Variants in NPAS3 observed in about 807,000 individuals in gnomAD.
NPAS3 encodes neuronal PAS domain-containing protein 3.
Under a neutral mutation model 73.1 loss-of-function variants are expected in NPAS3, and 14 were observed. That is an observed-to-expected ratio of 0.19 (90% confidence interval 0.13 to 0.30). The LOEUF (loss-of-function observed/expected upper bound fraction) is 0.30, where lower values mean the gene tolerates loss of function less well. Ranked by LOEUF, NPAS3 falls within the 10% of genes least tolerant of loss-of-function variation. The pLI, the probability that NPAS3 is intolerant of heterozygous loss-of-function variation, is 1.00. For synonymous variants in NPAS3, 620 were observed against 541.5 expected, an observed-to-expected ratio of 1.14 and a Z score of -2.01; for missense variants, 1,096 against 1,250.0, an observed-to-expected ratio of 0.88 and a Z score of 1.86.
chr14:33,144,986 G>A (rs2044185879), intron 2 of NPAS3, among the ~76,000 whole-genome samples: 1 of 152,070 alleles, frequency 6.6e-6, no homozygotes, highest in Non-Finnish European at 1.5e-5. Flanking sequence ...TTACAACTTG[G>A]TTTGTTACAA....
chr14:33,036,998 A>C (rs1450006048), intron 1 of NPAS3, among the ~76,000 whole-genome samples: 1 of 152,120 alleles, frequency 6.6e-6, no homozygotes, highest in African/African-American at 2.4e-5. Flanking sequence ...TCATCCTCTT[A>C]TTAGTTTTGT....
At chr14:33,119,368 C>A (rs1207997962) in intron 2 of NPAS3, among the ~76,000 whole-genome samples, 1 of 152,018 alleles carries the variant, frequency 6.6e-6, no homozygotes, top group Non-Finnish European at 1.5e-5. Context: ...TTCTCCCTTT[C>A]ACAGCTCTTT....
Position 33,699,348 on chromosome 14 carries a change from C to A in NPAS3, c.733+22963C>A, listed in dbSNP as rs1357115685. Among the ~76,000 whole-genome samples, 3 of 152,056 alleles carry A rather than the reference C, an allele frequency of 2.0e-5. No individual in the cohort carries two copies. In the East Asian group the frequency reaches 5.8e-4, roughly 29 times the overall value. On this transcript the variant is annotated intron_variant, in intron 6 of 11. Transcript: ENST00000356141. ...GTGGATCCTTTTGTGATGAAAACAACCCTGCTAAATTGTAAATTTGCGTTG... is the reference window on the plus strand; with the variant it reads ...GTGGATCCTTTTGTGATGAAAACAAACCTGCTAAATTGTAAATTTGCGTTG...
chr14:33,035,763 C>A (rs553052867), intron 1 of NPAS3, among the ~76,000 whole-genome samples: 2 of 152,140 alleles, frequency 1.3e-5, no homozygotes, highest in African/African-American at 4.8e-5. Flanking sequence ...GAGTTCTTCT[C>A]TTTGTACCAT....
intron 3 of NPAS3, among the ~76,000 whole-genome samples, chr14:33,363,523 C>A (rs954040867): frequency 2.0e-5 from 3 of 152,090 alleles, no homozygotes; most frequent in Admixed American, 6.5e-5. Context: ...ACCAATAAAC[C>A]CTTCTCCCTG....
intron 9 of NPAS3, among the ~76,000 whole-genome samples, chr14:33,789,740 C>T (rs2063298009): frequency 6.9e-6 from 1 of 144,442 alleles, no homozygotes; most frequent in Non-Finnish European, 1.5e-5. Flanking sequence ...AGGCGCCCGC[C>T]ACCACGCCCG....
At chr14:33,017,323 T>TA (rs1266323746) in intron 1 of NPAS3, among the ~76,000 whole-genome samples, 4 of 151,966 alleles carry the variant, frequency 2.6e-5, no homozygotes, top group African/African-American at 7.3e-5. Context: ...TTTCCTTTTT[T>TA]AAAAAAAATG....
At chr14:33,429,719 T>C (rs1333965771) in intron 4 of NPAS3, among the ~76,000 whole-genome samples, 1 of 152,114 alleles carries the variant, frequency 6.6e-6, no homozygotes, top group Admixed American at 6.6e-5. Flanking sequence ...GGATGAGCAA[T>C]GAGGAAGTTC....
chr14:33,575,647 G>A (rs1285534990), intron 5 of NPAS3, among the ~76,000 whole-genome samples: 1 of 152,118 alleles, frequency 6.6e-6, no homozygotes, highest in Non-Finnish European at 1.5e-5. Context: ...TGATTTGTTT[G>A]CTTTGTTGTT....
intron 5 of NPAS3, among the ~76,000 whole-genome samples, chr14:33,600,982 C>G (rs1346189237): frequency 1.3e-5 from 2 of 151,630 alleles, no homozygotes; most frequent in African/African-American, 4.8e-5. Context: ...ATTTTTTTTT[C>G]AAAAGGTTCT....
At chr14:33,264,307 G>T (rs1018489179) in intron 3 of NPAS3, among the ~76,000 whole-genome samples, 4 of 151,972 alleles carry the variant, frequency 2.6e-5, no homozygotes, top group African/African-American at 9.7e-5. Flanking sequence ...AGCATTAGGA[G>T]ATATACCTAA....
chr14:33,658,946 T>C (rs969176917), intron 5 of NPAS3, among the ~76,000 whole-genome samples: 12 of 152,264 alleles, frequency 7.9e-5, no homozygotes, highest in South Asian at 6.2e-4. Context: ...AATGAATAGG[T>C]AGGCATAATA....
chr14:33,630,768 G>A (rs982349978), intron 5 of NPAS3, among the ~76,000 whole-genome samples: 4 of 152,108 alleles, frequency 2.6e-5, no homozygotes, highest in East Asian at 1.9e-4. Flanking sequence ...CTGTGACGTC[G>A]GGTTAAATAT....
intron 2 of NPAS3, among the ~76,000 whole-genome samples, chr14:33,068,352 T>C (rs2041353958): frequency 6.6e-6 from 1 of 152,234 alleles, no homozygotes; most frequent in Non-Finnish European, 1.5e-5. Flanking sequence ...TCATTCTTGT[T>C]AGGCACAACA....
chr14:33,203,324 T>A (rs1395016710), intron 2 of NPAS3, among the ~76,000 whole-genome samples: 1 of 152,198 alleles, frequency 6.6e-6, no homozygotes, highest in African/African-American at 2.4e-5. Flanking sequence ...TATTTTATTT[T>A]ATTTATGTAT....
At chr14:33,274,270 A>G (rs1490396672) in intron 3 of NPAS3, among the ~76,000 whole-genome samples, 1 of 152,226 alleles carries the variant, frequency 6.6e-6, no homozygotes, top group Non-Finnish European at 1.5e-5. Flanking sequence ...ACAGTTCACT[A>G]TGTACGGAGA....
At chr14:33,259,857 C>CT (rs33939091) in intron 3 of NPAS3, among the ~76,000 whole-genome samples, 1,766 of 145,730 alleles carry the variant, frequency 0.012, 39 homozygotes, top group African/African-American at 0.043. Context: ...GCAGCAGCAT[C>CT]TTTTTTTTTT....
At chr14:33,032,319 T>C (rs183582864) in intron 1 of NPAS3, among the ~76,000 whole-genome samples, 5 of 152,162 alleles carry the variant, frequency 3.3e-5, no homozygotes, top group Non-Finnish European at 7.4e-5. Context: ...CAGTGGTGCA[T>C]AGGAGAGATA....
In NPAS3 at chr14:33,039,533, A is replaced by C. The variant is rs558490469; in HGVS notation, c.51-16372A>C. On this transcript the variant is annotated intron_variant, in intron 1 of 11. Transcript: ENST00000356141. Reference sequence around the variant, plus strand: ...AACAGTGGGCCCTCGCTTTGCCTCTATTCCTGGTGTGAAATCGATACACTA... The same window carrying C: ...AACAGTGGGCCCTCGCTTTGCCTCTCTTCCTGGTGTGAAATCGATACACTA... 3.9e-5 allele frequency among the ~76,000 whole-genome samples: 6 copies of C among 152,252 alleles called. No homozygotes were observed. In the South Asian group the frequency reaches 1.2e-3, roughly 32 times the overall value.
Sources: allele counts gnomAD v4.1 joint callset (sites outside exome capture counted in the v4.1 genomes callset), GRCh38; gene constraint gnomAD v4.1.1; transcripts MANE v1.5; gene names NCBI Gene and HGNC (gene_info 2026-07-23, HGNC 2026-07-21).